Variants in USP34 observed in about 807,000 individuals in gnomAD.
USP34 encodes ubiquitin carboxyl-terminal hydrolase 34.
Under a neutral mutation model 460.3 loss-of-function variants are expected in USP34, and 70 were observed. The ratio of observed to expected loss-of-function variants is 0.15; its 90% CI spans 0.13 to 0.19. USP34 has a LOEUF of 0.19. USP34 is among the 10% of genes least tolerant of loss of function. USP34 has a pLI of 1.00. For synonymous variants in USP34, 1,647 were observed against 1,405.3 expected (o/e 1.17, Z -3.85); for missense variants, 3,985 against 4,236.2 (o/e 0.94, Z 1.65).
At chr2:61,316,289 A>G (rs1011504877) in intron 23 of USP34, among the ~76,000 whole-genome samples, 2 of 152,168 alleles carry the variant, frequency 1.3e-5, no homozygotes, top group Non-Finnish European at 2.9e-5. Context: ...TTTAGATACA[A>G]TTAAAATTAT....
intron 10 of USP34, among the ~76,000 whole-genome samples, chr2:61,354,961 T>A (rs1432086641): frequency 6.6e-6 from 1 of 152,128 alleles, no homozygotes; most frequent in Non-Finnish European, 1.5e-5. Flanking sequence ...CAGCCCAATC[T>A]CAGAGCCCCA....
At chr2:61,262,293 G>A (rs1688913491) in intron 43 of USP34, among the ~76,000 whole-genome samples, 1 of 151,564 alleles carries the variant, frequency 6.6e-6, no homozygotes, top group Non-Finnish European at 1.5e-5. Flanking sequence ...TATCACCCAG[G>A]TAATAATAGT....
At chr2:61,204,949 G>C (rs1324590436) in intron 72 of USP34, among the ~76,000 whole-genome samples, 1 of 152,092 alleles carries the variant, frequency 6.6e-6, no homozygotes, top group East Asian at 1.9e-4. Context: ...TGAGCTCCTG[G>C]GTGCAAGTGA....
At chr2:61,308,454 A>G (rs1317002941) in intron 27 of USP34, among the ~76,000 whole-genome samples, 3 of 152,152 alleles carry the variant, frequency 2.0e-5, no homozygotes, top group Admixed American at 2.0e-4. Context: ...TTAAAAAGAA[A>G]AAAGAAACAT....
chr2:61,299,052 G>A (rs1466217184), intron 29 of USP34, among the ~76,000 whole-genome samples: 1 of 152,040 alleles, frequency 6.6e-6, no homozygotes, highest in Non-Finnish European at 1.5e-5. Context: ...AGCACTAGGT[G>A]AGAAAACAGA....
In USP34 at chr2:61,220,481, G is replaced by C. The variant is rs776058286; in HGVS notation, c.7900-24C>G. On this transcript the variant is annotated intron_variant, in intron 66 of 79. Transcript: ENST00000398571. The stretch of plus-strand genomic sequence containing the variant: ...ACCTACAAATAACATGACAAGAACA[G>C]AATATAAGGCCAACTGAATGAGCAA... 1.9e-6 allele frequency: 3 copies of C among 1,583,170 alleles called. No individual in the cohort carries two copies. In the Admixed American group the frequency reaches 5.4e-5, roughly 29 times the overall value.
In USP34 at chr2:61,266,123, A is replaced by G. The variant is rs1348416147; in HGVS notation, c.5478T>C (p.Ser1826=). ...ACTTTGGCTGTTGTCGGTCCTTTAG[A>G]CTTGGCAACAAAAACAGGAGATTGA... is the stretch of plus-strand genomic sequence containing the variant. ...DIFNLLFLLP[S]LKDRQQPKCK... The change falls in exon 42 of 80, where the codon AGT becomes AGC. Residue 1826 remains serine (S), a synonymous_variant. Coordinates refer to ENST00000398571, the MANE Select transcript of USP34 (RefSeq NM_014709.4). 3 of 1,613,214 alleles carry G rather than the reference A, an allele frequency of 1.9e-6. No individual in the cohort carries two copies. The highest frequency in any genetic ancestry group is 2.5e-6 in the Non-Finnish European group (3 of 1,179,416).
chr2:61,222,787 C>T (rs1024036420), intron 64 of USP34, 124 bp from the exon 65 acceptor site: 2 of 893,174 alleles, frequency 2.2e-6, no homozygotes, highest in African/African-American at 1.7e-5. Flanking sequence ...GCCTCCACTT[C>T]TCAGGCTCAA....
At chr2:61,385,200 TAA>T (rs1693099338) in intron 5 of USP34, among the ~76,000 whole-genome samples, 1 of 152,122 alleles carries the variant, frequency 6.6e-6, no homozygotes, top group Non-Finnish European at 1.5e-5. Flanking sequence ...CACCTCTACA[TAA>T]AAAGTTGGAA....
At position 61,405,688 on chromosome 2, in the gene USP34, A is replaced by C. The variant is rs1046474009; in HGVS notation, c.552+20T>G. 2 of 1,504,050 alleles carry C rather than the reference A, an allele frequency of 1.3e-6. No homozygotes were observed. The highest frequency in any genetic ancestry group is 1.8e-6 in the Non-Finnish European group (2 of 1,129,798). 93.2% of individuals were successfully genotyped at this position (1,504,050 alleles called of 1,614,324 possible). Reference sequence around the variant, plus strand: ...TAAGACTTGGTATTACTTAAAATTCACACCACCTATTTTACATACCTCAAT... The same window carrying C: ...TAAGACTTGGTATTACTTAAAATTCCCACCACCTATTTTACATACCTCAAT... On this transcript the variant is annotated intron_variant, in intron 3 of 79. Coordinates refer to ENST00000398571, the MANE Select transcript of USP34 (RefSeq NM_014709.4).
At chr2:61,303,309 G>A (rs1056969915) in intron 27 of USP34, among the ~76,000 whole-genome samples, 8 of 152,122 alleles carry the variant, frequency 5.3e-5, no homozygotes, top group Non-Finnish European at 7.4e-5. Context: ...CCGGTGATCC[G>A]CCTGCCTCGG....
rs997911193 is a variant in USP34 at position 61,398,382 on chromosome 2, A to G, written c.553-3149T>C. 6.8e-4 allele frequency among the ~76,000 whole-genome samples: 96 copies of G among 142,060 alleles called. 1 individual carries two copies. Among genetic ancestry groups the G allele is most frequent in the Non-Finnish European group, 1.0e-3 (66 of 65,572 alleles). 93.2% of individuals were successfully genotyped at this position (142,060 alleles called of 152,430 possible). A position where few individuals can be genotyped will look rare whatever the true frequency, so the allele number is the denominator to read the frequency against. On this transcript the variant is annotated intron_variant, in intron 3 of 79. Coordinates refer to ENST00000398571, the MANE Select transcript of USP34 (RefSeq NM_014709.4). Reference sequence around the variant, plus strand: ...ACCTGGTGAAAGAGAAGGAGGAGAGAGATGGGGGAGGACAGAAAGAGAGGG... The same window carrying G: ...ACCTGGTGAAAGAGAAGGAGGAGAGGGATGGGGGAGGACAGAAAGAGAGGG...
Position 61,208,815 on chromosome 2 carries a change from A to G in USP34, c.8919+84T>C, listed in dbSNP as rs1238595705. The stretch of plus-strand genomic sequence containing the variant: ...TGCCACCTGTAAAACAGTTTACCAT[A>G]AACTCTAAATGTCTATAAAGTAAGT... On this transcript the variant is annotated intron_variant, in intron 70 of 79. Transcript: ENST00000398571. The G allele has an allele frequency of 1.8e-5, 18 of 997,178 alleles. No individual in the cohort carries two copies. In the East Asian group the frequency reaches 5.1e-4, roughly 28 times the overall value. The allele number at this position is 997,178 out of a possible 1,614,324, so 61.8% of individuals were successfully genotyped here. A position where few individuals can be genotyped will look rare whatever the true frequency, so the allele number is the denominator to read the frequency against.
chr2:61,427,121 A>G (rs2421196), intron 1 of USP34, among the ~76,000 whole-genome samples: 80,337 of 151,966 alleles, frequency 0.53, 21,482 homozygotes, highest in South Asian at 0.74. Context: ...TCTGCCTCCC[A>G]GGTTCACACC....
At chr2:61,250,962 C>T (rs565147381) in intron 48 of USP34, among the ~76,000 whole-genome samples, 117 of 152,200 alleles carry the variant, frequency 7.7e-4, no homozygotes, top group African/African-American at 2.7e-3. Context: ...CACAGTGAAA[C>T]CCCGTGTCTA....
chr2:61,365,742 A>C (rs1003216872), intron 10 of USP34, among the ~76,000 whole-genome samples: 2 of 152,194 alleles, frequency 1.3e-5, no homozygotes, highest in South Asian at 2.1e-4. Flanking sequence ...TAAATGTTAT[A>C]ATATTTGATA....
intron 1 of USP34, among the ~76,000 whole-genome samples, chr2:61,429,743 A>G (rs1467524925): frequency 9.2e-5 from 14 of 152,212 alleles, no homozygotes. Context: ...TAAAAAGAAT[A>G]CCAACCAGAT....
At chr2:61,408,617 TG>T (rs1693949910) in intron 2 of USP34, among the ~76,000 whole-genome samples, 1 of 152,046 alleles carries the variant, frequency 6.6e-6, no homozygotes, top group Non-Finnish European at 1.5e-5. Flanking sequence ...GAGGTCAGGC[TG>T]GGTGTGGTGG....
chr2:61,436,351 G>A (rs1156462543), intron 1 of USP34, among the ~76,000 whole-genome samples: 2 of 152,280 alleles, frequency 1.3e-5, no homozygotes, highest in Non-Finnish European at 2.9e-5. Flanking sequence ...GACTAAAAGT[G>A]AAAGGACGGG....
Sources: gnomAD v4.1 joint callset for allele counts (sites outside exome capture counted in the v4.1 genomes callset) on GRCh38, gnomAD v4.1.1 for gene constraint, MANE v1.5 for transcripts, NCBI Gene and HGNC (gene_info 2026-07-23, HGNC 2026-07-21) for gene names.